Variants in SLC28A1 observed in about 807,000 individuals in gnomAD.
SLC28A1 encodes solute carrier family 28 member 1, also known as sodium/nucleoside cotransporter 1.
Under a neutral mutation model 74.8 loss-of-function variants are expected in SLC28A1, and 64 were observed. That is an observed-to-expected ratio of 0.86 (90% CI 0.70 to 1.05). SLC28A1 has a LOEUF of 1.05. Among genes scored for constraint, SLC28A1 ranks in the 50% least tolerant of loss-of-function variants. The pLI, the probability that SLC28A1 is intolerant of heterozygous loss-of-function variation, is 0.00. For missense variants in SLC28A1, 828 were observed against 822.8 expected (o/e 1.01, Z -0.08); for synonymous variants, 359 against 335.0 (o/e 1.07, Z -0.78).
intron 10 of SLC28A1, 43 bp downstream of exon 10, chr15:84,918,647 C>T (rs1375074773): frequency 2.1e-6 from 3 of 1,446,218 alleles, no homozygotes; most frequent in Admixed American, 3.3e-5. Flanking sequence ...CCAGAGTCAC[C>T]AGCTCACAGG....
At chr15:84,925,531 C>A (rs1470913035) in intron 12 of SLC28A1, among the ~76,000 whole-genome samples, 1 of 151,916 alleles carries the variant, frequency 6.6e-6, no homozygotes, top group Non-Finnish European at 1.5e-5. Flanking sequence ...AACTGGGAGG[C>A]GGAGGTTGCA....
At chr15:84,912,110 G>A (rs926318538) in intron 9 of SLC28A1, among the ~76,000 whole-genome samples, 4 of 152,130 alleles carry the variant, frequency 2.6e-5, no homozygotes, top group Non-Finnish European at 5.9e-5. Flanking sequence ...AGAGGAAGGA[G>A]GACTAGGATA....
the SLC28A1 span, among the ~76,000 whole-genome samples, chr15:84,960,823 C>G: frequency 6.6e-6 from 1 of 152,244 alleles, no homozygotes; most frequent in East Asian, 1.9e-4. Context: ...TGCTCTCACT[C>G]TCTTAGTCCT....
At chr15:84,924,289 G>A (rs561146710) in intron 12 of SLC28A1, among the ~76,000 whole-genome samples, 179 bp downstream of exon 12, 3 of 151,698 alleles carry the variant, frequency 2.0e-5, no homozygotes, top group Non-Finnish European at 4.4e-5. Context: ...CGGGCTTTGC[G>A]CATGGCCACC....
intron 12 of SLC28A1, among the ~76,000 whole-genome samples, chr15:84,925,072 T>TTC (rs1471552903): frequency 7.8e-6 from 1 of 128,802 alleles, no homozygotes; most frequent in Non-Finnish European, 1.7e-5. Context: ...AGCTAGTTTT[T>TTC]TTTTTTTTTT....
intron 15 of SLC28A1, among the ~76,000 whole-genome samples, chr15:84,938,265 A>T (rs1972186329): frequency 6.6e-6 from 1 of 150,548 alleles, no homozygotes; most frequent in Admixed American, 6.6e-5. Flanking sequence ...GCTTACTGTC[A>T]CCTCTGGTCT....
the SLC28A1 span, among the ~76,000 whole-genome samples, chr15:84,961,069 T>A: frequency 6.6e-6 from 1 of 152,152 alleles, no homozygotes; most frequent in Non-Finnish European, 1.5e-5. Flanking sequence ...CAAGATAATT[T>A]CAGGTTTCTC....
At chr15:84,968,230 C>T in the SLC28A1 span, among the ~76,000 whole-genome samples, 1 of 152,160 alleles carries the variant, frequency 6.6e-6, no homozygotes, top group Non-Finnish European at 1.5e-5. Flanking sequence ...TCCTCTTCTG[C>T]AGCATGGGGT....
chr15:84,907,493 T>TTTTAG (rs996876597), intron 8 of SLC28A1, among the ~76,000 whole-genome samples: 10 of 152,012 alleles, frequency 6.6e-5, no homozygotes, highest in South Asian at 4.2e-4. Flanking sequence ...CTTTTTTTAA[T>TTTTAG]TTTAGTTTAG....
intron 6 of SLC28A1, among the ~76,000 whole-genome samples, chr15:84,897,076 C>T (rs528857566): frequency 7.2e-5 from 11 of 151,788 alleles, no homozygotes; most frequent in Admixed American, 5.9e-4. Flanking sequence ...TACTAAAAAC[C>T]ATTAAACCAT....
chr15:84,922,522 C>G (rs1969952225), intron 11 of SLC28A1, among the ~76,000 whole-genome samples: 1 of 152,200 alleles, frequency 6.6e-6, no homozygotes, highest in Non-Finnish European at 1.5e-5. Flanking sequence ...TCTACAACCC[C>G]CCGCTGCCCG....
At chr15:84,967,608 G>A in the SLC28A1 span, among the ~76,000 whole-genome samples, 1 of 152,172 alleles carries the variant, frequency 6.6e-6, no homozygotes, top group Non-Finnish European at 1.5e-5. Flanking sequence ...AGTTGCATCA[G>A]CCTAAATCCC....
downstream of SLC28A1, among the ~76,000 whole-genome samples, chr15:84,945,982 C>A (rs1176844419): frequency 6.8e-6 from 1 of 147,690 alleles, no homozygotes; most frequent in African/African-American, 2.5e-5. Flanking sequence ...ACCTCAGCCT[C>A]CTAAGTAGCT....
In SLC28A1 at chr15:84,892,879, G is replaced by A. The variant is rs554324761; in HGVS notation, c.278-2061G>A. Among the ~76,000 whole-genome samples the A allele has an allele frequency of 9.9e-5, 15 of 152,232 alleles. No homozygotes were observed. The East Asian group carries it at 1.7e-3, about 18-fold the overall frequency. ...TAGAAGAAGGAGGTGCCTCTTGCCC[G>A]CTCTCCCAGCCAAAGCCCAGGGAGG... is the stretch of plus-strand genomic sequence containing the variant. On this transcript the variant is annotated intron_variant, in intron 5 of 18. Transcript: ENST00000394573.
intron 11 of SLC28A1, among the ~76,000 whole-genome samples, chr15:84,921,391 A>G (rs1969814601): frequency 6.6e-6 from 1 of 152,172 alleles, no homozygotes; most frequent in African/African-American, 2.4e-5. Flanking sequence ...GAATCCCTTG[A>G]CCAAGATTCC....
chr15:84,906,551 T>A (rs377130322), intron 8 of SLC28A1, among the ~76,000 whole-genome samples: 1 of 94,392 alleles, frequency 1.1e-5, no homozygotes, highest in East Asian at 3.0e-4. Flanking sequence ...TTTCTTTCTT[T>A]CTTTCTTTCT....
In SLC28A1 at chr15:84,935,705, G is replaced by A. The variant is rs1466336024; in HGVS notation, c.1581+187G>A. 5.9e-5 allele frequency among the ~76,000 whole-genome samples: 9 copies of A among 152,302 alleles called. No homozygotes were observed. The East Asian group carries it at 1.7e-3, about 29-fold the overall frequency. On this transcript the variant is annotated intron_variant, in intron 15 of 18. Transcript: ENST00000394573. Reference sequence around the variant, plus strand: ...AGGCTTCGCTGCCATCTTTCTCAAGGCCTTTTAGGAGGCTGAGGTGCGGGG... The same window carrying A: ...AGGCTTCGCTGCCATCTTTCTCAAGACCTTTTAGGAGGCTGAGGTGCGGGG...
intron 8 of SLC28A1, 78 bp from the exon 9 acceptor site, chr15:84,908,640 G>T: frequency 7.8e-7 from 1 of 1,279,878 alleles, no homozygotes; most frequent in Non-Finnish European, 1.1e-6. Flanking sequence ...CAACCCGCCT[G>T]TCTCTGGCCG....
chr15:84,963,239 A>G, the SLC28A1 span, among the ~76,000 whole-genome samples: 2 of 152,080 alleles, frequency 1.3e-5, no homozygotes, highest in Non-Finnish European at 2.9e-5. Flanking sequence ...CCCTAGCCAC[A>G]CCCCTTACTC....
Sources: allele counts gnomAD v4.1 joint callset (sites outside exome capture counted in the v4.1 genomes callset), GRCh38; gene constraint gnomAD v4.1.1; transcripts MANE v1.5; gene names NCBI Gene and HGNC (gene_info 2026-07-23, HGNC 2026-07-21).